MGAT1: variants seen among roughly 807,000 people sequenced by gnomAD.
MGAT1 encodes alpha-1,3-mannosyl-glycoprotein 2-beta-N-acetylglucosaminyltransferase, also known as N-glycosyl-oligosaccharide-glycoprotein N-acetylglucosaminyltransferase I.
A neutral mutation model predicts 31.7 loss-of-function variants in MGAT1; 14 were observed. The observed-to-expected ratio is 0.44, with a 90% CI of 0.29 to 0.69. The LOEUF (loss-of-function observed/expected upper bound fraction) is 0.69, where lower values mean the gene tolerates loss of function less well. MGAT1 is among the 30% of genes least tolerant of loss of function. The pLI is 0.12. For missense variants in MGAT1, 557 were observed against 626.0 expected, an observed-to-expected ratio of 0.89 and a Z score of 1.18; for synonymous variants, 338 against 276.0, an observed-to-expected ratio of 1.22 and a Z score of -2.23.
chr5:180,795,166 C>T (rs1173316190), intron 1 of MGAT1, among the ~76,000 whole-genome samples: 1 of 151,894 alleles, frequency 6.6e-6, no homozygotes, highest in Admixed American at 6.6e-5. Context: ...CAGTTGTTGC[C>T]TGGGGATGGA....
chr5:180,802,186 GCT>G (rs768913206), intron 1 of MGAT1, among the ~76,000 whole-genome samples: 2 of 152,140 alleles, frequency 1.3e-5, no homozygotes, highest in Non-Finnish European at 2.9e-5. Context: ...ACGTCCCGGG[GCT>G]CTCTACTCCA....
intron 1 of MGAT1, among the ~76,000 whole-genome samples, chr5:180,813,928 G>A (rs1197556585): frequency 1.3e-5 from 2 of 152,192 alleles, no homozygotes; most frequent in Admixed American, 6.5e-5. Flanking sequence ...CCAAACTTAT[G>A]TATCAGGGCT....
upstream of MGAT1, among the ~76,000 whole-genome samples, chr5:180,804,186 G>T (rs1771496702): frequency 6.6e-6 from 1 of 152,212 alleles, no homozygotes; most frequent in Non-Finnish European, 1.5e-5. Context: ...GCAGCTCTGC[G>T]GAGTGAGCGT....
In MGAT1 at chr5:180,792,531, C is replaced by T. The variant is rs758726740; in HGVS notation, c.441G>A (p.Glu147=). 1 of 1,612,972 alleles carries T rather than the reference C, an allele frequency of 6.2e-7. No individual in the cohort carries two copies. Among genetic ancestry groups the T allele is most frequent in the East Asian group, 2.2e-5 (1 of 44,880 alleles). Residue 147 remains glutamate (E), a synonymous_variant, in exon 2 of 2, where the codon GAG becomes GAA. Coordinates refer to ENST00000307826, the MANE Select transcript of MGAT1 (RefSeq NM_002406.4). ...IIVSQDCGHE[E]TAQAIASYGS... is the part of the protein sequence containing the mutation. ...CGTAGGAGGCGATGGCCTGGGCCGT[C>T]TCCTCGTGCCCGCAGTCCTGGCTAA...
intron 1 of MGAT1, among the ~76,000 whole-genome samples, chr5:180,800,514 T>G (rs181514957): frequency 5.7e-4 from 87 of 152,312 alleles, no homozygotes; most frequent in Admixed American, 1.7e-3. Flanking sequence ...AGCTGAGACC[T>G]TATCAGCAGG....
chr5:180,812,248 C>T (rs1054009577), intron 1 of MGAT1, among the ~76,000 whole-genome samples: 8 of 152,256 alleles, frequency 5.3e-5, no homozygotes, highest in Admixed American at 3.3e-4. Flanking sequence ...TGAAAAGCTA[C>T]TTTCACCGCA....
upstream of MGAT1, among the ~76,000 whole-genome samples, chr5:180,804,784 G>A (rs1771613919): frequency 6.6e-6 from 1 of 152,310 alleles, no homozygotes; most frequent in East Asian, 1.9e-4. Context: ...AAAGGTGGGG[G>A]AAGATCAGAT....
chr5:180,803,122 A>C (rs995046659), upstream of MGAT1, among the ~76,000 whole-genome samples: 21 of 152,094 alleles, frequency 1.4e-4, no homozygotes, highest in African/African-American at 5.1e-4. Flanking sequence ...CCGCGCCTGA[A>C]GTGGGCCCGC....
Position 180,788,969 on chromosome 5 carries a change from G to C in MGAT1, c.*2665C>G, listed in dbSNP as rs769385115. On this transcript the variant is annotated 3_prime_UTR_variant, in exon 2 of 2. Coordinates refer to ENST00000307826, the MANE Select transcript of MGAT1 (RefSeq NM_002406.4). The stretch of plus-strand genomic sequence containing the variant: ...CGGCCAAACTCCTCCTGGCTCCACC[G>C]GAAAGGGCACAATGCAGCTATCGCC... The C allele has an allele frequency of 6.6e-6, 1 of 152,244 alleles. No individual in the cohort carries two copies. Among genetic ancestry groups the C allele is most frequent in the African/African-American group, 2.4e-5 (1 of 41,446 alleles). The allele number at this position is 152,244 out of a possible 1,614,324, so 9.4% of individuals were successfully genotyped here.
intron 1 of MGAT1, among the ~76,000 whole-genome samples, chr5:180,801,723 G>C (rs1770801942): frequency 6.6e-6 from 1 of 152,190 alleles, no homozygotes; most frequent in South Asian, 2.1e-4. Flanking sequence ...AAGGTGACAG[G>C]GTTGATTTGG....
chr5:180,810,819 G>C (rs1772502269), intron 1 of MGAT1: 1 of 152,396 alleles, frequency 6.6e-6, no homozygotes, highest in African/African-American at 2.4e-5. Flanking sequence ...GCTGTTTCTC[G>C]CTGCCTCTCT....
chr5:180,812,405 T>G (rs1561886633), intron 1 of MGAT1, among the ~76,000 whole-genome samples: 1 of 152,260 alleles, frequency 6.6e-6, no homozygotes, highest in Non-Finnish European at 1.5e-5. Context: ...CATTTTTACT[T>G]AAGTGACCTT....
Position 180,785,263 on chromosome 5 carries a change from A to C in MGAT1, c.*6371T>G, listed in dbSNP as rs1767493387. 1 of 152,234 alleles carries C rather than the reference A, an allele frequency of 6.6e-6. No homozygotes were observed. The highest frequency in any genetic ancestry group is 2.1e-4 in the South Asian group (1 of 4,830). 9.4% of individuals were successfully genotyped at this position (152,234 alleles called of 1,614,324 possible). ...GTCACATAAAATCTTCCACCGTTTCAAGGACAGAACACAGTATCCGAGAGT... is the reference window on the plus strand; with the variant it reads ...GTCACATAAAATCTTCCACCGTTTCCAGGACAGAACACAGTATCCGAGAGT... On this transcript the variant is annotated 3_prime_UTR_variant, in exon 2 of 2. Transcript: ENST00000307826.
In MGAT1 at chr5:180,792,525, G is replaced by C. The variant is rs367566803; in HGVS notation, c.447C>G (p.Ala149=). Residue 149 remains alanine (A), a synonymous_variant, in exon 2 of 2, where the codon GCC becomes GCG. Coordinates refer to ENST00000307826, the MANE Select transcript of MGAT1 (RefSeq NM_002406.4). ...CGCTGCCGTAGGAGGCGATGGCCTG[G>C]GCCGTCTCCTCGTGCCCGCAGTCCT... ...VSQDCGHEET[A]QAIASYGSAV... 1 of 1,613,008 alleles carries C rather than the reference G, an allele frequency of 6.2e-7. No homozygotes were observed. The highest frequency in any genetic ancestry group is 2.2e-5 in the East Asian group (1 of 44,882).
upstream of MGAT1, among the ~76,000 whole-genome samples, chr5:180,806,749 G>C (rs149045306): frequency 6.6e-6 from 1 of 152,330 alleles, no homozygotes; most frequent in African/African-American, 2.4e-5. Flanking sequence ...AGACAAAACA[G>C]ATTGACTGGA....
intron 1 of MGAT1, among the ~76,000 whole-genome samples, chr5:180,812,619 A>G (rs1415074894): frequency 6.6e-6 from 1 of 152,162 alleles, no homozygotes; most frequent in African/African-American, 2.4e-5. Context: ...CAGTCCAAAG[A>G]CAGATATTCC....
chr5:180,801,863 A>C (rs2113462183), intron 1 of MGAT1, among the ~76,000 whole-genome samples: 1 of 152,348 alleles, frequency 6.6e-6, no homozygotes, highest in Non-Finnish European at 1.5e-5. Context: ...TCTAACAGTG[A>C]GAATGAGACA....
rs988706788 is a variant in MGAT1 at position 180,786,718 on chromosome 5, A to C, written c.*4916T>G. The C allele has an allele frequency of 6.6e-6, 1 of 152,354 alleles. No homozygotes were observed. The highest frequency in any genetic ancestry group is 1.5e-5 in the Non-Finnish European group (1 of 68,220). 9.4% of individuals were successfully genotyped at this position (152,354 alleles called of 1,614,324 possible). A position where few individuals can be genotyped will look rare whatever the true frequency, so the allele number is the denominator to read the frequency against. Reference sequence around the variant, plus strand: ...ACCTGACCTCGTGCTAAGAAGAGTGAGACTGAGACCTGAGAAGGAGCCTGG... The same window carrying C: ...ACCTGACCTCGTGCTAAGAAGAGTGCGACTGAGACCTGAGAAGGAGCCTGG... On this transcript the variant is annotated 3_prime_UTR_variant, in exon 2 of 2. Coordinates refer to ENST00000307826, the MANE Select transcript of MGAT1 (RefSeq NM_002406.4).
rs201350610 is a variant in MGAT1 at position 180,792,695 on chromosome 5, C to G, written c.277G>C (p.Ala93Pro). Residue 93 changes from alanine (A) to proline (P), a missense_variant, in exon 2 of 2, where the codon GCC (alanine) becomes CCC (proline). Transcript: ENST00000307826. ...GGGGTCACAGGCACACGCGGCTGGG[C>G]GGGAGGGGCCGCGGTGGGCACCCTC... ...RGRVPTAAPP[A>P]QPRVPVTPAP... 6.4e-7 allele frequency: 1 copy of G among 1,554,298 alleles called. No individual in the cohort carries two copies.
Sources: gnomAD v4.1 joint callset for allele counts (sites outside exome capture counted in the v4.1 genomes callset) on GRCh38, gnomAD v4.1.1 for gene constraint, MANE v1.5 for transcripts, NCBI Gene and HGNC (gene_info 2026-07-23, HGNC 2026-07-21) for gene names.